Variants in SND1 observed in about 807,000 individuals in gnomAD.
The protein encoded by SND1 is staphylococcal nuclease domain-containing protein 1.
Under a neutral mutation model 121.7 loss-of-function variants are expected in SND1, and 38 were observed. The ratio of observed to expected loss-of-function variants is 0.31; its 90% CI spans 0.24 to 0.41. SND1 has a LOEUF of 0.41. Ranked by LOEUF, SND1 falls within the 10% of genes least tolerant of loss-of-function variation. The probability of loss-of-function intolerance (pLI) is 1.00; values close to 1 mark genes in which losing one functional copy is unlikely to be tolerated. For missense variants in SND1, 868 were observed against 1,184.6 expected, an observed-to-expected ratio of 0.73 and a Z score of 3.92; for synonymous variants, 401 against 447.4, an observed-to-expected ratio of 0.90 and a Z score of 1.31.
chr7:127,653,865 G>A (rs1795166174), intron 1 of SND1, among the ~76,000 whole-genome samples: 1 of 152,214 alleles, frequency 6.6e-6, no homozygotes, highest in Non-Finnish European at 1.5e-5. Flanking sequence ...AACTGAATGA[G>A]AAGAGAATTT....
At position 128,029,486 on chromosome 7, in the gene SND1, C is replaced by T; in HGVS notation, c.1779+38430C>T. ...GGCTGAGCACTGTCCCATTGGGCAGCAACCACTTCACGGAGGACATAGGGG... is the reference window on the plus strand; with the variant it reads ...GGCTGAGCACTGTCCCATTGGGCAGTAACCACTTCACGGAGGACATAGGGG... On this transcript the variant is annotated intron_variant, in intron 16 of 23. Transcript: ENST00000354725. The surrounding 1 kb of genome is among the most constrained non-coding windows in gnomAD (Gnocchi z 4.2). 3 of 1,614,136 alleles carry T rather than the reference C, an allele frequency of 1.9e-6. No homozygotes were observed. In the South Asian group the frequency reaches 3.3e-5, roughly 18 times the overall value.
rs188677273 is a variant in SND1, at chr7:127,955,593, T to C, written c.1669+26264T>C. 5.8e-4 allele frequency among the ~76,000 whole-genome samples: 89 copies of C among 152,286 alleles called. 1 individual carries two copies. The highest frequency in any genetic ancestry group is 2.0e-3 in the African/African-American group (85 of 41,568). On this transcript the variant is annotated intron_variant, in intron 15 of 23. Coordinates refer to ENST00000354725, the MANE Select transcript of SND1 (RefSeq NM_014390.4). ...ACAGGAGAGAGAAAAATGTAGCTCC[T>C]AATAAGCTCTCCTTTTGCTGTCATG...
At chr7:127,904,971 G>T in intron 14 of SND1, 152 bp downstream of exon 14, 1 of 575,982 alleles carries the variant, frequency 1.7e-6, no homozygotes, top group Non-Finnish European at 3.2e-6. Flanking sequence ...CATCTACTTA[G>T]GTATCTATAG....
chr7:127,724,987 C>T (rs1290809339), intron 10 of SND1, among the ~76,000 whole-genome samples: 1 of 151,932 alleles, frequency 6.6e-6, no homozygotes, highest in East Asian at 1.9e-4. Flanking sequence ...TGCCCCTTTC[C>T]TTGGCCTGAG....
At chr7:127,914,884 T>A (rs1478936159) in intron 14 of SND1, among the ~76,000 whole-genome samples, 2 of 152,180 alleles carry the variant, frequency 1.3e-5, no homozygotes, top group African/African-American at 2.4e-5. Context: ...ACCTCAGTTT[T>A]CCCCTGTGGG....
rs189877205 is a variant in SND1 at position 127,797,467 on chromosome 7, G to T, written c.1153-10017G>T. On this transcript the variant is annotated intron_variant, in intron 10 of 23. Coordinates refer to ENST00000354725, the MANE Select transcript of SND1 (RefSeq NM_014390.4). ...TCTGCTTCATTATCCCAGGCTTACTGGCTGAGTCCTCACTGTTCCTCTAGG... is the reference window on the plus strand; with the variant it reads ...TCTGCTTCATTATCCCAGGCTTACTTGCTGAGTCCTCACTGTTCCTCTAGG... Among the ~76,000 whole-genome samples, 46 of 152,290 alleles carry T rather than the reference G, an allele frequency of 3.0e-4. 1 individual carries two copies. The highest frequency in any genetic ancestry group is 2.9e-3 in the Admixed American group (45 of 15,302).
chr7:127,735,624 G>A (rs561781935), intron 10 of SND1, among the ~76,000 whole-genome samples: 3 of 151,388 alleles, frequency 2.0e-5, no homozygotes, highest in African/African-American at 4.8e-5. Flanking sequence ...GTTTTTTTTT[G>A]TTGTTGTTGT....
intron 3 of SND1, among the ~76,000 whole-genome samples, chr7:127,698,144 G>C (rs1036973863): frequency 6.6e-6 from 1 of 152,114 alleles, no homozygotes; most frequent in Admixed American, 6.6e-5. Flanking sequence ...CTTTGTGAGA[G>C]ATGAGAAATC....
intron 13 of SND1, among the ~76,000 whole-genome samples, chr7:127,899,274 C>A (rs1335179825): frequency 7.3e-6 from 1 of 136,414 alleles, no homozygotes; most frequent in Non-Finnish European, 1.6e-5. Flanking sequence ...GATACCTGCA[C>A]ACAACACACA....
At chr7:127,752,418 T>C (rs762229049) in intron 10 of SND1, among the ~76,000 whole-genome samples, 3 of 152,226 alleles carry the variant, frequency 2.0e-5, no homozygotes, top group Admixed American at 1.3e-4. Flanking sequence ...AAGATGAATA[T>C]GGCCACTTTT....
chr7:127,986,082 A>G (rs1157708812), intron 15 of SND1, among the ~76,000 whole-genome samples: 3 of 152,188 alleles, frequency 2.0e-5, no homozygotes. Flanking sequence ...AAAAGTGAAC[A>G]CATTCTGAGT....
In SND1 at chr7:127,691,779, ATTTTTT is replaced by A. The variant is rs75566883; in HGVS notation, c.229-3033_229-3028del. ...AGGCGTGCGCCAACATGCCTGGCTA[ATTTTTT>A]TTTTTTTTTTTTTTTGTATTTTCAG... On this transcript the variant is annotated intron_variant, in intron 2 of 23. Coordinates refer to ENST00000354725, the MANE Select transcript of SND1 (RefSeq NM_014390.4). 5.5e-5 allele frequency among the ~76,000 whole-genome samples: 7 copies of A among 127,074 alleles called. No individual in the cohort carries two copies. The South Asian group carries it at 7.9e-4, about 14-fold the overall frequency. The allele number at this position is 127,074 out of a possible 152,430, so 83.4% of individuals were successfully genotyped here.
chr7:127,718,833 T>C (rs1796438524), intron 9 of SND1: 2 of 728,008 alleles, frequency 2.7e-6, no homozygotes, highest in Admixed American at 6.3e-5. Flanking sequence ...CGTCTAGATA[T>C]TTCTCGTGTC....
intron 10 of SND1, among the ~76,000 whole-genome samples, chr7:127,755,978 G>A (rs1044359698): frequency 1.3e-5 from 2 of 152,196 alleles, no homozygotes; most frequent in African/African-American, 4.8e-5. Flanking sequence ...ACAATGTTTA[G>A]TGTTTCCATT....
At chr7:127,821,623 A>G (rs949710317) in intron 11 of SND1, among the ~76,000 whole-genome samples, 2 of 152,086 alleles carry the variant, frequency 1.3e-5, no homozygotes, top group Non-Finnish European at 2.9e-5. Context: ...TTTAGTTTTT[A>G]AACTGCCAGG....
chr7:128,032,378 G>A (rs1296554272), intron 16 of SND1, among the ~76,000 whole-genome samples: 1 of 151,452 alleles, frequency 6.6e-6, no homozygotes, highest in African/African-American at 2.4e-5. Context: ...CGGGGCCAGG[G>A]CGAGCGGGCG....
At chr7:127,869,293 G>A (rs1025991196) in intron 12 of SND1, among the ~76,000 whole-genome samples, 4 of 152,182 alleles carry the variant, frequency 2.6e-5, no homozygotes, top group African/African-American at 9.7e-5. Context: ...AGGGAGCAAA[G>A]GTGGAGGTGG....
intron 15 of SND1, among the ~76,000 whole-genome samples, chr7:127,933,334 A>G (rs1181525184): frequency 2.6e-5 from 4 of 152,232 alleles, no homozygotes; most frequent in Admixed American, 2.6e-4. Flanking sequence ...GTTAACTTAC[A>G]TTGTGAAAGA....
rs758485216 is a variant in SND1 at position 127,701,313 on chromosome 7, G to A, written c.579G>A (p.Lys193=). 2 of 1,613,894 alleles carry A rather than the reference G, an allele frequency of 1.2e-6. No homozygotes were observed. Among genetic ancestry groups the A allele is most frequent in the Non-Finnish European group, 8.5e-7 (1 of 1,179,892 alleles). ...PRHFVDSHHQ[K]PVNAIIEHVR... ...ACTTTGTGGACTCACACCACCAGAA[G>A]CCTGTTAATGGTGAGGCTGGTGGGA... The change falls in exon 5 of 24, where the codon AAG becomes AAA. Residue 193 remains lysine, a synonymous_variant. Coordinates refer to ENST00000354725, the MANE Select transcript of SND1 (RefSeq NM_014390.4).
Sources: gnomAD v4.1 joint callset for allele counts (sites outside exome capture counted in the v4.1 genomes callset) on GRCh38, gnomAD v4.1.1 for gene constraint, Gnocchi (gnomAD v3.1) non-coding constraint, MANE v1.5 for transcripts, NCBI Gene and HGNC (gene_info 2026-07-23, HGNC 2026-07-21) for gene names.